Variants in MS4A8 observed in about 807,000 individuals in gnomAD.
MS4A8 encodes the protein membrane spanning 4-domains A8.
MS4A8 carries 27 observed loss-of-function variants against 23.7 expected under a neutral mutation model. That is an observed-to-expected ratio of 1.14 (90% CI 0.84 to 1.57). The LOEUF is 1.57. Ranked by LOEUF, MS4A8 falls within the 40% of genes most tolerant of loss-of-function variation. The probability of loss-of-function intolerance (pLI) is 0.00; values close to 1 mark genes in which losing one functional copy is unlikely to be tolerated. For synonymous variants in MS4A8, 138 were observed against 126.3 expected, an observed-to-expected ratio of 1.09 and a Z score of -0.62; for missense variants, 301 against 311.4, an observed-to-expected ratio of 0.97 and a Z score of 0.25.
At chr11:60,707,592 G>A (rs954918127) in intron 4 of MS4A8, among the ~76,000 whole-genome samples, 1 of 152,162 alleles carries the variant, frequency 6.6e-6, no homozygotes, top group Admixed American at 6.5e-5. Flanking sequence ...AGGTTACGAA[G>A]GGTAAAGGGT....
At position 60,715,140 on chromosome 11, in the gene MS4A8, T is replaced by G; in HGVS notation, c.648+6T>G. ...TCTGCTGTCAATCAAGCAATGTGAG[T>G]CCCAGGGTTCCTCAGTGGGTGGAAA... On this transcript the variant is annotated splice_donor_region_variant and intron_variant, in intron 6 of 6. Coordinates refer to ENST00000300226, the MANE Select transcript of MS4A8 (RefSeq NM_031457.2). 6.2e-7 allele frequency: 1 copy of G among 1,606,052 alleles called. No homozygotes were observed. Among genetic ancestry groups the G allele is most frequent in the Non-Finnish European group, 8.5e-7 (1 of 1,172,686 alleles).
At chr11:60,710,490 T>C (rs769764789) in intron 5 of MS4A8, among the ~76,000 whole-genome samples, 4 of 152,206 alleles carry the variant, frequency 2.6e-5, no homozygotes, top group African/African-American at 4.8e-5. Context: ...CGGGCAATCC[T>C]GTTGGTTCTA....
chr11:60,704,871 C>A (rs1490446100), intron 3 of MS4A8, among the ~76,000 whole-genome samples: 5,675 of 149,710 alleles, frequency 0.038, 329 homozygotes, highest in African/African-American at 0.14. Context: ...CACACATACA[C>A]ACACACACAC....
chr11:60,703,620 G>C, intron 3 of MS4A8, 120 bp downstream of exon 3: 2 of 1,221,924 alleles, frequency 1.6e-6, no homozygotes. Flanking sequence ...AAATGTGGGG[G>C]ATAGGAAACC....
chr11:60,710,054 G>A (rs945559186), intron 5 of MS4A8, among the ~76,000 whole-genome samples: 5 of 151,966 alleles, frequency 3.3e-5, no homozygotes, highest in South Asian at 2.1e-4. Flanking sequence ...CCTTCTTCTC[G>A]GAGGGACTTT....
At chr11:60,712,005 T>A (rs2088304774) in intron 5 of MS4A8, 1 of 244,356 alleles carries the variant, frequency 4.1e-6, no homozygotes, top group South Asian at 4.0e-5. Flanking sequence ...TTATTTTTCA[T>A]CAAATAAAAA....
intron 3 of MS4A8, among the ~76,000 whole-genome samples, chr11:60,706,503 T>C (rs2088256953): frequency 6.6e-6 from 1 of 152,174 alleles, no homozygotes; most frequent in South Asian, 2.1e-4. Context: ...AACCCCTTCC[T>C]TCTCCCCTCC....
intron 5 of MS4A8, among the ~76,000 whole-genome samples, chr11:60,714,160 A>G (rs892906604): frequency 2.2e-4 from 32 of 143,432 alleles, no homozygotes; most frequent in African/African-American, 6.6e-4. Flanking sequence ...TCCTGACCTC[A>G]TGATCCACCC....
intron 1 of MS4A8, 29 bp downstream of exon 1, chr11:60,699,804 A>G (rs994832674): frequency 6.6e-6 from 1 of 152,394 alleles, no homozygotes; most frequent in Non-Finnish European, 1.5e-5. Context: ...GTGGTTGGTA[A>G]CTGGGAGTTG....
chr11:60,714,876 C>G (rs919470982), intron 5 of MS4A8, 145 bp from the exon 6 acceptor site: 5 of 641,020 alleles, frequency 7.8e-6, no homozygotes, highest in South Asian at 5.4e-5. Context: ...TTACAAAAAC[C>G]CGGTGGGAAA....
chr11:60,699,933 G>A (rs1294942545), intron 1 of MS4A8, among the ~76,000 whole-genome samples, 158 bp downstream of exon 1: 2 of 152,188 alleles, frequency 1.3e-5, no homozygotes, highest in African/African-American at 2.4e-5. Flanking sequence ...AGAAAGATAG[G>A]ACATGGAGGG....
chr11:60,711,527 C>G (rs2088300245), intron 5 of MS4A8, among the ~76,000 whole-genome samples: 1 of 152,176 alleles, frequency 6.6e-6, no homozygotes, highest in African/African-American at 2.4e-5. Context: ...CTCTATCTCA[C>G]TGTGCCCTAC....
At chr11:60,701,850 T>C (rs2088207571) in intron 2 of MS4A8, among the ~76,000 whole-genome samples, 2 of 152,276 alleles carry the variant, frequency 1.3e-5, no homozygotes, top group South Asian at 4.1e-4. Flanking sequence ...AGTATATTGG[T>C]TAAGTCAGTG....
chr11:60,707,309 CGA>C (rs112128181), intron 4 of MS4A8, among the ~76,000 whole-genome samples: 628 of 145,610 alleles, frequency 4.3e-3, no homozygotes, highest in Non-Finnish European at 4.4e-3. Context: ...GTATGGAGAG[CGA>C]GAGAGAGAGA....
chr11:60,714,503 C>T (rs960697250), intron 5 of MS4A8, among the ~76,000 whole-genome samples: 3 of 152,166 alleles, frequency 2.0e-5, no homozygotes, highest in Non-Finnish European at 2.9e-5. Flanking sequence ...TGGAGGTTTA[C>T]ATCAGAGCCC....
intron 4 of MS4A8, among the ~76,000 whole-genome samples, chr11:60,707,543 A>G (rs1462438106): frequency 6.6e-6 from 1 of 152,220 alleles, no homozygotes; most frequent in Non-Finnish European, 1.5e-5. Context: ...GTGCTCCCCT[A>G]GCAACAGACC....
chr11:60,700,046 C>A (rs1254376744), intron 1 of MS4A8, among the ~76,000 whole-genome samples: 1 of 152,208 alleles, frequency 6.6e-6, no homozygotes, highest in Non-Finnish European at 1.5e-5. Flanking sequence ...ACAGACACTG[C>A]CTTGGCAATG....
chr11:60,703,475 G>T lies in MS4A8; in HGVS notation c.317G>T (p.Gly106Val), dbSNP rs1565051202. 1.9e-6 allele frequency: 3 copies of T among 1,607,858 alleles called. No homozygotes were observed. In the African/African-American group the frequency reaches 4.0e-5, roughly 22 times the overall value. Reference protein sequence around the residue: ...GEYLSISFYGGFPFWGGLWFI... With the variant: ...GEYLSISFYGVFPFWGGLWFI... ...TACCTGTCTATTTCATTCTACGGAG[G>T]CTTTCCCTTCTGGGGAGGCTTGTGG... is the stretch of plus-strand genomic sequence containing the variant. Residue 106 changes from glycine (G) to valine (V), a missense_variant, in exon 3 of 7, where the codon GGC becomes GTC. Coordinates refer to ENST00000300226, the MANE Select transcript of MS4A8 (RefSeq NM_031457.2).
At chr11:60,715,282 A>C in intron 6 of MS4A8, 28 bp from the exon 7 acceptor site, 1 of 1,600,870 alleles carries the variant, frequency 6.2e-7, no homozygotes, top group Non-Finnish European at 8.6e-7. Context: ...CCTTCTTAGC[A>C]TGCCCCCTGT....
Sources: allele counts gnomAD v4.1 joint callset (sites outside exome capture counted in the v4.1 genomes callset), GRCh38; gene constraint gnomAD v4.1.1; transcripts MANE v1.5; gene names NCBI Gene and HGNC (gene_info 2026-07-23, HGNC 2026-07-21).